The following SPATA7 variants were observed in gnomAD, a reference collection of about 807,000 sequenced individuals.
The protein encoded by SPATA7 is spermatogenesis associated 7.
A neutral mutation model predicts 51.8 loss-of-function variants in SPATA7; 43 were observed. That is an observed-to-expected ratio of 0.83 (90% confidence interval 0.65 to 1.07). The LOEUF (loss-of-function observed/expected upper bound fraction) is 1.07, where lower values mean the gene tolerates loss of function less well. Among genes scored for constraint, SPATA7 ranks in the 50% least tolerant of loss-of-function variants. SPATA7 has a pLI of 0.00. For synonymous variants in SPATA7, 230 were observed against 252.8 expected (o/e 0.91, Z 0.86); for missense variants, 683 against 701.3 (o/e 0.97, Z 0.30).
chr14:88,429,610 A>G, intron 8 of SPATA7, 147 bp downstream of exon 8: 1 of 496,118 alleles, frequency 2.0e-6, no homozygotes, highest in Non-Finnish European at 3.6e-6. Flanking sequence ...TTTTAGTTTT[A>G]CCAAGGAAAT....
chr14:88,416,381 G>A (rs1173049931), intron 4 of SPATA7: 1 of 212,644 alleles, frequency 4.7e-6, no homozygotes, highest in East Asian at 1.3e-4. Context: ...CCTTAGGCTT[G>A]GCCAGTTTGT....
chr14:88,421,297 A>T (rs1433272138), intron 5 of SPATA7, among the ~76,000 whole-genome samples: 1 of 152,114 alleles, frequency 6.6e-6, no homozygotes, highest in Non-Finnish European at 1.5e-5. Context: ...AGGAGTAGCC[A>T]TTGAGAGAAT....
intron 9 of SPATA7, 148 bp from the exon 10 acceptor site, chr14:88,432,987 G>T: frequency 1.6e-6 from 1 of 637,320 alleles, no homozygotes; most frequent in East Asian, 2.8e-5. Flanking sequence ...AGACATGTTT[G>T]TTTTGTAATA....
intron 3 of SPATA7, among the ~76,000 whole-genome samples, chr14:88,446,803 A>T (rs1286566129): frequency 1.3e-5 from 2 of 151,936 alleles, no homozygotes; most frequent in South Asian, 2.1e-4. Flanking sequence ...TTTGAGTGAG[A>T]TTCTTAATCC....
chr14:88,386,276 T>C (rs2075573492), intron 1 of SPATA7, among the ~76,000 whole-genome samples: 1 of 152,140 alleles, frequency 6.6e-6, no homozygotes, highest in South Asian at 2.1e-4. Flanking sequence ...GAGGATTAAA[T>C]GCAGATAATA....
rs749922234 is a variant in SPATA7, at chr14:88,438,027, A to ATT, written c.1405_1406insTT (p.Lys469IlefsTer38). 1 of 1,613,970 alleles carries ATT rather than the reference A, an allele frequency of 6.2e-7. No individual in the cohort carries two copies. Among genetic ancestry groups the ATT allele is most frequent in the Non-Finnish European group, 8.5e-7 (1 of 1,180,010 alleles). On this transcript the variant is annotated frameshift_variant, in exon 12 of 12. Coordinates refer to ENST00000393545, the MANE Select transcript of SPATA7 (RefSeq NM_018418.5). LOFTEE classifies it low-confidence loss of function (END_TRUNC). The stretch of plus-strand genomic sequence containing the variant: ...TCAGCAGGAACGTCAACAATACCAA[A>ATT]AGGCTTTGGATATGTTATTGTCGGC...
intron 5 of SPATA7, among the ~76,000 whole-genome samples, chr14:88,420,377 T>A (rs951023259): frequency 6.6e-6 from 1 of 152,248 alleles, no homozygotes; most frequent in African/African-American, 2.4e-5. Context: ...AAGCAAGTGC[T>A]GGGATACTTA....
chr14:88,449,717 T>G (rs2077238292), intron 3 of SPATA7, among the ~76,000 whole-genome samples: 1 of 152,158 alleles, frequency 6.6e-6, no homozygotes, highest in Admixed American at 6.5e-5. Context: ...CTATCTCATT[T>G]TTTTGGTCTA....
intron 2 of SPATA7, among the ~76,000 whole-genome samples, chr14:88,392,167 A>G (rs2075763466): frequency 6.6e-6 from 1 of 152,218 alleles, no homozygotes; most frequent in East Asian, 1.9e-4. Context: ...ATATATATGT[A>G]TGTAACATAG....
chr14:88,385,881 T>A, intron 1 of SPATA7, 44 bp downstream of exon 1: 2 of 1,578,216 alleles, frequency 1.3e-6, no homozygotes, highest in Non-Finnish European at 1.7e-6. Flanking sequence ...CGCCCCTCGC[T>A]CCAGGCGGCG....
At chr14:88,386,059 C>T (rs1566741452) in intron 1 of SPATA7, 1 of 1,430,096 alleles carries the variant, frequency 7.0e-7, no homozygotes, top group Admixed American at 2.8e-5. Flanking sequence ...GAATTTGTCG[C>T]CCTGACACCA....
At chr14:88,463,224 G>A (rs1229547058) in intron 4 of SPATA7, among the ~76,000 whole-genome samples, 7 of 152,042 alleles carry the variant, frequency 4.6e-5, no homozygotes, top group Non-Finnish European at 1.0e-4. Context: ...ACATATAAGT[G>A]GCAACAGGAA....
At chr14:88,468,899 A>T in intron 4 of SPATA7, 1 of 1,613,856 alleles carries the variant, frequency 6.2e-7, no homozygotes, top group Non-Finnish European at 8.5e-7. Flanking sequence ...AGGCCAGGTG[A>T]TCATAAGCGC....
chr14:88,427,729 A>T, intron 7 of SPATA7, 33 bp downstream of exon 7: 1 of 1,435,956 alleles, frequency 7.0e-7, no homozygotes. Flanking sequence ...GTATTGCTAC[A>T]TTTGAATTAC....
At chr14:88,396,527 G>A (rs532657030) in intron 4 of SPATA7, among the ~76,000 whole-genome samples, 6 of 152,148 alleles carry the variant, frequency 3.9e-5, no homozygotes, top group Admixed American at 1.3e-4. Context: ...GAATCATATC[G>A]TGTTTGTTCT....
intron 5 of SPATA7, among the ~76,000 whole-genome samples, chr14:88,422,544 A>G (rs1414492405): frequency 6.7e-6 from 1 of 149,126 alleles, no homozygotes; most frequent in Non-Finnish European, 1.5e-5. Flanking sequence ...TACAAATCAT[A>G]TATTTTAATA....
chr14:88,418,287 T>C (rs1036026180), intron 5 of SPATA7, among the ~76,000 whole-genome samples: 7 of 151,856 alleles, frequency 4.6e-5, no homozygotes, highest in Admixed American at 1.3e-4. Flanking sequence ...TGGGTTTATT[T>C]TGCTGTACTA....
At chr14:88,458,467 C>T (rs991941949), downstream of SPATA7, among the ~76,000 whole-genome samples, 3 of 152,060 alleles carry the variant, frequency 2.0e-5, no homozygotes, top group South Asian at 2.1e-4. Flanking sequence ...GTGTATGTGT[C>T]GAGGAATTTA....
intron 6 of SPATA7, 123 bp from the exon 7 acceptor site, chr14:88,427,507 T>G: frequency 1.5e-6 from 1 of 647,384 alleles, no homozygotes; most frequent in Non-Finnish European, 2.7e-6. Context: ...TTCAAAATTA[T>G]GTATTTTATA....
Sources: gnomAD v4.1 joint callset for allele counts (sites outside exome capture counted in the v4.1 genomes callset) on GRCh38, gnomAD v4.1.1 for gene constraint, MANE v1.5 for transcripts, NCBI Gene and HGNC (gene_info 2026-07-23, HGNC 2026-07-21) for gene names.